The following ZNF607 variants were observed in gnomAD, a reference collection of about 807,000 sequenced individuals.
The protein encoded by ZNF607 is zinc finger protein 607.
ZNF607 carries 5 observed loss-of-function variants against 12.8 expected under a neutral mutation model. The observed-to-expected ratio is 0.39, with a 90% CI of 0.20 to 0.82. The LOEUF is 0.82. ZNF607 is among the 40% of genes least tolerant of loss of function. The pLI is 0.39. For missense variants in ZNF607, 851 were observed against 859.2 expected (o/e 0.99, Z 0.12); for synonymous variants, 287 against 276.2 (o/e 1.04, Z -0.39).
chr19:37,701,169 A>G (rs2045035750), intron 4 of ZNF607, among the ~76,000 whole-genome samples: 1 of 152,238 alleles, frequency 6.6e-6, no homozygotes, highest in Non-Finnish European at 1.5e-5. Flanking sequence ...AACAGGTAAC[A>G]TGAACCTGAA....
chr19:37,698,859 C>T lies in ZNF607; in HGVS notation c.1272G>A (p.Lys424=), dbSNP rs2045007644. ...IHTGEKPYKC[K]ECGKAFSQRA... ...GCTGACTGAAGGCCTTCCCACATTC[C>T]TTACATTTGTAGGGTTTCTCACCGG... The change falls in exon 5 of 5, where the codon AAG becomes AAA. Residue 424 remains lysine, a synonymous_variant. Coordinates refer to ENST00000355202, the MANE Select transcript of ZNF607 (RefSeq NM_032689.5). 3 of 1,613,936 alleles carry T rather than the reference C, an allele frequency of 1.9e-6. No individual in the cohort carries two copies. The highest frequency in any genetic ancestry group is 2.5e-6 in the Non-Finnish European group (3 of 1,179,940).
At chr19:37,712,460 A>G (rs1408265248) in intron 1 of ZNF607, among the ~76,000 whole-genome samples, 1 of 152,156 alleles carries the variant, frequency 6.6e-6, no homozygotes, top group Admixed American at 6.5e-5. Context: ...GCAGTGAGCC[A>G]TGATTGTGCT....
rs372467610 is a variant in ZNF607 at position 37,699,169 on chromosome 19, C to G, written c.962G>C (p.Arg321Thr). 10 of 1,613,932 alleles carry G rather than the reference C, an allele frequency of 6.2e-6. No homozygotes were observed. Among genetic ancestry groups the G allele is most frequent in the Non-Finnish European group, 8.5e-6 (10 of 1,180,000 alleles). The change falls in exon 5 of 5, where the codon AGG (arginine) becomes ACG (threonine). Residue 321 changes from arginine (R) to threonine (T), a missense_variant. Physicochemically the swap from Arg to Thr is moderately conservative, Grantham distance 71. Coordinates refer to ENST00000355202, the MANE Select transcript of ZNF607 (RefSeq NM_032689.5). Reference protein sequence around the residue: ...CKECGKGFTCRYQLTMHQRIY... With the variant: ...CKECGKGFTCTYQLTMHQRIY... ...TCTCTGATGCATGGTAAGTTGATAC[C>G]TACATGTAAAGCCCTTCCCGCATTC...
At position 37,698,280 on chromosome 19, in the gene ZNF607, A is replaced by G. The variant is rs565476807; in HGVS notation, c.1851T>C (p.Tyr617=). ...HERIHTSDKP[Y]ECKRCGKAFH... Reference sequence around the variant, plus strand: ...ATGCCTTCCCACATCTTTTACATTCATAGGGTTTATCACTGGTATGAATTC... The same window carrying G: ...ATGCCTTCCCACATCTTTTACATTCGTAGGGTTTATCACTGGTATGAATTC... Residue 617 remains tyrosine (Y), a synonymous_variant, in exon 5 of 5, where the codon TAT becomes TAC. Transcript: ENST00000355202. 1 of 1,614,138 alleles carries G rather than the reference A, an allele frequency of 6.2e-7. No individual in the cohort carries two copies. The highest frequency in any genetic ancestry group is 8.5e-7 in the Non-Finnish European group (1 of 1,180,012).
At chr19:37,714,221 C>CT (rs1165513054) in intron 1 of ZNF607, among the ~76,000 whole-genome samples, 1 of 151,796 alleles carries the variant, frequency 6.6e-6, no homozygotes, top group Non-Finnish European at 1.5e-5. Flanking sequence ...ACTTGGGAGG[C>CT]TGAGGCAGGA....
intron 1 of ZNF607, among the ~76,000 whole-genome samples, chr19:37,717,064 A>G (rs936305332): frequency 6.6e-6 from 1 of 152,244 alleles, no homozygotes; most frequent in African/African-American, 2.4e-5. Flanking sequence ...TGGGGCACAC[A>G]TTATATGCTC....
chr19:37,715,252 A>G (rs1188205184), intron 1 of ZNF607, among the ~76,000 whole-genome samples: 6 of 151,734 alleles, frequency 4.0e-5, no homozygotes, highest in Admixed American at 3.3e-4. Context: ...TCTCCTACTC[A>G]TAATTCCGAA....
chr19:37,716,366 A>G (rs2045176567), intron 1 of ZNF607, among the ~76,000 whole-genome samples: 1 of 152,180 alleles, frequency 6.6e-6, no homozygotes, highest in Admixed American at 6.5e-5. Context: ...TCCTGTTTTC[A>G]GGAAAAACTG....
chr19:37,698,965 C>A lies in ZNF607; in HGVS notation c.1166G>T (p.Gly389Val). Residue 389 changes from glycine to valine, a missense_variant, in exon 5 of 5, where the codon GGT becomes GTT. Gly to Val is a moderately radical substitution (Grantham distance 109). Coordinates refer to ENST00000355202, the MANE Select transcript of ZNF607 (RefSeq NM_032689.5). ...RLTRHQGIHS[G>V]KKPYECNKCG... The stretch of plus-strand genomic sequence containing the variant: ...TTTGTTACATTCATAGGGTTTCTTA[C>A]CACTATGAATACCCTGATGTCGAGT... 6.2e-7 allele frequency: 1 copy of A among 1,613,882 alleles called. No homozygotes were observed. Among genetic ancestry groups the A allele is most frequent in the Non-Finnish European group, 8.5e-7 (1 of 1,179,954 alleles).
At chr19:37,701,483 C>T (rs1337171770) in intron 4 of ZNF607, among the ~76,000 whole-genome samples, 1 of 152,140 alleles carries the variant, frequency 6.6e-6, no homozygotes, top group African/African-American at 2.4e-5. Flanking sequence ...TTAAATTAGC[C>T]AATCAGAATT....
chr19:37,703,235 T>C (rs941914286), intron 4 of ZNF607, among the ~76,000 whole-genome samples: 6 of 145,804 alleles, frequency 4.1e-5, no homozygotes, highest in African/African-American at 1.5e-4. Flanking sequence ...AGGCGTGAGC[T>C]ACCACACCCC....
At chr19:37,711,424 T>C (rs529280128) in intron 2 of ZNF607, among the ~76,000 whole-genome samples, 186 bp downstream of exon 2, 93 of 152,314 alleles carry the variant, frequency 6.1e-4, no homozygotes, top group African/African-American at 2.2e-3. Flanking sequence ...GCTAGTGAAT[T>C]TGCAGTGGCC....
intron 4 of ZNF607, among the ~76,000 whole-genome samples, chr19:37,703,556 T>G (rs1457613050): frequency 6.6e-6 from 1 of 152,122 alleles, no homozygotes; most frequent in African/African-American, 2.4e-5. Flanking sequence ...ATGCACTATG[T>G]AATGGCTACA....
chr19:37,717,517 T>C (rs1489604223), intron 1 of ZNF607, among the ~76,000 whole-genome samples: 1 of 149,228 alleles, frequency 6.7e-6, no homozygotes, highest in Non-Finnish European at 1.5e-5. Context: ...GAGCTGCGGC[T>C]GGGCGTGGTG....
Position 37,699,870 on chromosome 19 carries a change from G to A in ZNF607, c.261C>T (p.Ile87=). ...CTDLDSRCEI[I]SDGKMQLYRK... is the part of the protein sequence containing the mutation. ...TATAAAGCTGCATTTTCCCATCGCT[G>A]ATTATTTCACATCTTGAATCCAAAT... The change falls in exon 5 of 5, where the codon ATC becomes ATT. Residue 87 remains isoleucine, a synonymous_variant. Coordinates refer to ENST00000355202, the MANE Select transcript of ZNF607 (RefSeq NM_032689.5). 6.3e-7 allele frequency: 1 copy of A among 1,592,198 alleles called. No homozygotes were observed. The highest frequency in any genetic ancestry group is 1.2e-5 in the South Asian group (1 of 86,912).
chr19:37,710,842 T>C (rs1452624644), intron 2 of ZNF607, among the ~76,000 whole-genome samples: 1 of 152,220 alleles, frequency 6.6e-6, no homozygotes, highest in Non-Finnish European at 1.5e-5. Flanking sequence ...AGATGTTTTA[T>C]GCAAAATATG....
chr19:37,712,775 G>T (rs189334072), intron 1 of ZNF607, among the ~76,000 whole-genome samples: 6 of 152,176 alleles, frequency 3.9e-5, no homozygotes, highest in Non-Finnish European at 7.4e-5. Context: ...AATTTGTTAA[G>T]GTGGGAATTT....
At chr19:37,707,830 G>C in intron 4 of ZNF607, 84 bp downstream of exon 4, 2 of 1,013,234 alleles carry the variant, frequency 2.0e-6, no homozygotes, top group Non-Finnish European at 3.0e-6. Flanking sequence ...AATGTTTCAA[G>C]GATGCGTTTA....
chr19:37,699,854 G>T lies in ZNF607; in HGVS notation c.277C>A (p.Gln93Lys). ...ACACATGAGTGTTTCCTATAAAGCT[G>T]CATTTTCCCATCGCTGATTATTTCA... ...RCEIISDGKM[Q>K]LYRKHSCVTL... Residue 93 changes from glutamine (Q) to lysine (K), a missense_variant, in exon 5 of 5, where the codon CAG becomes AAG. Gln to Lys is a moderately conservative substitution (Grantham distance 53). Coordinates refer to ENST00000355202, the MANE Select transcript of ZNF607 (RefSeq NM_032689.5). 1 of 1,602,692 alleles carries T rather than the reference G, an allele frequency of 6.2e-7. No individual in the cohort carries two copies. The highest frequency in any genetic ancestry group is 1.1e-5 in the South Asian group (1 of 88,548).
Sources: allele counts gnomAD v4.1 joint callset (sites outside exome capture counted in the v4.1 genomes callset), GRCh38; gene constraint gnomAD v4.1.1; transcripts MANE v1.5; gene names NCBI Gene and HGNC (gene_info 2026-07-23, HGNC 2026-07-21).